Variants in TBC1D5 observed in about 807,000 individuals in gnomAD.
TBC1D5 encodes the protein TBC1 domain family member 5.
A neutral mutation model predicts 100.3 loss-of-function variants in TBC1D5; 75 were observed. The ratio of observed to expected loss-of-function variants is 0.75; its 90% CI spans 0.62 to 0.91. TBC1D5 has a LOEUF of 0.91. Ranked by LOEUF, TBC1D5 falls within the 40% of genes least tolerant of loss-of-function variation. The pLI, the probability that TBC1D5 is intolerant of heterozygous loss-of-function variation, is 0.00. For synonymous variants in TBC1D5, 323 were observed against 325.6 expected, an observed-to-expected ratio of 0.99 and a Z score of 0.09; for missense variants, 910 against 942.4, an observed-to-expected ratio of 0.97 and a Z score of 0.45.
chr3:17,641,154 A>C (rs1241320341), intron 1 of TBC1D5, among the ~76,000 whole-genome samples: 3 of 152,156 alleles, frequency 2.0e-5, no homozygotes, highest in Non-Finnish European at 4.4e-5. Flanking sequence ...CTTACTGCTG[A>C]GGTATTCTTG....
chr3:17,498,865 A>G lies in TBC1D5; in HGVS notation c.97+9609T>C, dbSNP rs920001335. Among the ~76,000 whole-genome samples the G allele has an allele frequency of 3.3e-5, 5 of 152,236 alleles. No individual in the cohort carries two copies. In the East Asian group the frequency reaches 7.7e-4, roughly 23 times the overall value. ...CATGTAAGGAGAATTTTACCAAAAT[A>G]TATCAGCTATATTAAAAAAAATGCT... On this transcript the variant is annotated intron_variant, in intron 3 of 21. Coordinates refer to ENST00000253692, the Ensembl canonical transcript of TBC1D5.
intron 13 of TBC1D5, among the ~76,000 whole-genome samples, chr3:17,313,971 C>T (rs796965542): frequency 1.6e-4 from 24 of 152,270 alleles, no homozygotes; most frequent in African/African-American, 5.8e-4. Context: ...GGGGTTATCA[C>T]TGGCCCTCTC....
intron 2 of TBC1D5, among the ~76,000 whole-genome samples, chr3:17,537,855 A>G (rs2096299017): frequency 6.6e-6 from 1 of 152,220 alleles, no homozygotes; most frequent in Admixed American, 6.5e-5. Flanking sequence ...TATCTGAGAC[A>G]AGTCTCGTTC....
chr3:17,556,341 A>C (rs548440615), intron 2 of TBC1D5, among the ~76,000 whole-genome samples: 26 of 152,296 alleles, frequency 1.7e-4, no homozygotes, highest in South Asian at 4.1e-4. Flanking sequence ...AGCCTACAAA[A>C]AAATAAGAAA....
chr3:17,168,475 T>C (rs1320407152), intron 19 of TBC1D5, among the ~76,000 whole-genome samples: 5 of 152,146 alleles, frequency 3.3e-5, no homozygotes, highest in African/African-American at 1.2e-4. Context: ...AGGCGCAGCA[T>C]CACACTAAGT....
intron 1 of TBC1D5, among the ~76,000 whole-genome samples, chr3:17,703,401 CATAA>C (rs1481099607): frequency 6.6e-6 from 1 of 151,912 alleles, no homozygotes; most frequent in Non-Finnish European, 1.5e-5. Flanking sequence ...CTACTTGAAA[CATAA>C]ATAAGTAGGC....
At chr3:17,475,853 T>C (rs1243250930) in intron 3 of TBC1D5, among the ~76,000 whole-genome samples, 3 of 152,116 alleles carry the variant, frequency 2.0e-5, no homozygotes, top group Non-Finnish European at 2.9e-5. Flanking sequence ...TCCAAAATGT[T>C]TGAACCAACT....
At chr3:17,724,058 G>T (rs2075910961) in intron 1 of TBC1D5, among the ~76,000 whole-genome samples, 1 of 147,936 alleles carries the variant, frequency 6.8e-6, no homozygotes, top group African/African-American at 2.5e-5. Context: ...ATCAGGTATA[G>T]AAATCCCGAT....
chr3:17,359,043 G>C (rs1331196595), intron 13 of TBC1D5, among the ~76,000 whole-genome samples: 1 of 151,888 alleles, frequency 6.6e-6, no homozygotes, highest in Non-Finnish European at 1.5e-5. Flanking sequence ...TTTAAATTCT[G>C]TTACAAATCT....
intron 2 of TBC1D5, among the ~76,000 whole-genome samples, chr3:17,602,266 T>C (rs1218405593): frequency 6.6e-6 from 1 of 152,184 alleles, no homozygotes; most frequent in East Asian, 1.9e-4. Context: ...CCCTTATCTG[T>C]CTCAATGGAA....
rs7635940 is a variant in TBC1D5 at position 17,691,806 on chromosome 3, A to G, written c.-101+47537T>C. On this transcript the variant is annotated intron_variant, in intron 1 of 21. Coordinates refer to ENST00000253692, the Ensembl canonical transcript of TBC1D5. ...CACTCCAGCCAGGCAGCCTGGCAAC[A>G]GAGTGAGACTCCGTCTCAACAAAAA... Among the ~76,000 whole-genome samples the G allele has an allele frequency of 9.7e-3, 1,473 of 151,640 alleles. 26 individuals are homozygous for G. Among genetic ancestry groups the G allele is most frequent in the African/African-American group, 0.033 (1,379 of 41,298 alleles).
intron 1 of TBC1D5, among the ~76,000 whole-genome samples, chr3:17,640,274 T>C (rs1057191058): frequency 6.6e-6 from 1 of 152,112 alleles, no homozygotes; most frequent in Non-Finnish European, 1.5e-5. Context: ...TTAAAAAAAA[T>C]CAACTTAAGA....
intron 15 of TBC1D5, among the ~76,000 whole-genome samples, chr3:17,284,437 C>T (rs989800573): frequency 5.3e-5 from 8 of 152,080 alleles, no homozygotes; most frequent in Non-Finnish European, 5.9e-5. Flanking sequence ...CCTATTTGCG[C>T]CCTTTATAAC....
chr3:17,384,138 G>T, intron 8 of TBC1D5, 123 bp from the exon 9 acceptor site: 1 of 744,968 alleles, frequency 1.3e-6, no homozygotes, highest in Non-Finnish European at 2.1e-6. Flanking sequence ...TGTTTGCCAT[G>T]TAACTTATGC....
chr3:17,465,578 A>G (rs530100256), intron 3 of TBC1D5: 41 of 152,362 alleles, frequency 2.7e-4, no homozygotes, highest in African/African-American at 9.9e-4. Context: ...AAAATAAGAA[A>G]TCACACCTCA....
At chr3:17,369,056 T>C (rs1051396620) in intron 13 of TBC1D5, among the ~76,000 whole-genome samples, 3 of 152,188 alleles carry the variant, frequency 2.0e-5, no homozygotes, top group Non-Finnish European at 4.4e-5. Flanking sequence ...TTCATTTCCA[T>C]GAGATACAAA....
chr3:17,306,211 G>A (rs2083387711), intron 14 of TBC1D5, among the ~76,000 whole-genome samples: 1 of 152,114 alleles, frequency 6.6e-6, no homozygotes, highest in Admixed American at 6.6e-5. Context: ...ACTCACAGCA[G>A]CCCAGAGGGG....
chr3:17,226,871 T>G (rs1171160353), intron 17 of TBC1D5, among the ~76,000 whole-genome samples: 2 of 152,194 alleles, frequency 1.3e-5, no homozygotes, highest in African/African-American at 4.8e-5. Context: ...ACATTAAATA[T>G]AGGCTCATTC....
intron 3 of TBC1D5, among the ~76,000 whole-genome samples, chr3:17,494,662 C>G (rs994237583): frequency 6.6e-6 from 1 of 152,190 alleles, no homozygotes; most frequent in Middle Eastern, 3.2e-3. Flanking sequence ...TGGCCATGAT[C>G]TACTACAGCC....
Sources: allele counts gnomAD v4.1 joint callset (sites outside exome capture counted in the v4.1 genomes callset), GRCh38; gene constraint gnomAD v4.1.1; transcripts MANE v1.5; gene names NCBI Gene and HGNC (gene_info 2026-07-23, HGNC 2026-07-21).